The following ELF1 variants were observed in gnomAD, a reference collection of about 807,000 sequenced individuals.
The protein encoded by ELF1 is ETS-related transcription factor Elf-1.
A neutral mutation model predicts 59.9 loss-of-function variants in ELF1; 24 were observed. That is an observed-to-expected ratio of 0.40 (90% CI 0.29 to 0.56). The LOEUF (loss-of-function observed/expected upper bound fraction) is 0.56. ELF1 is among the 20% of genes least tolerant of loss of function. ELF1 has a pLI of 0.44. For missense variants in ELF1, 627 were observed against 742.2 expected (o/e 0.84, Z 1.80); for synonymous variants, 248 against 266.2 (o/e 0.93, Z 0.67).
chr13:41,002,614 C>G (rs1874525339), intron 1 of ELF1, among the ~76,000 whole-genome samples: 1 of 148,066 alleles, frequency 6.8e-6, no homozygotes, highest in African/African-American at 2.5e-5. Flanking sequence ...CAAGTCCCAT[C>G]TCAAAAAAAT....
Position 41,016,947 on chromosome 13 carries a change from A to T in ELF1, c.-229+2281T>A, listed in dbSNP as rs9532703. On this transcript the variant is annotated intron_variant, in intron 1 of 8. Transcript: ENST00000239882. The stretch of plus-strand genomic sequence containing the variant: ...AAAAAAAAAAAAAAAAAAAAAAAAA[A>T]ATATATATATATATATATATATATA... Among the ~76,000 whole-genome samples, 30 of 24,714 alleles carry T rather than the reference A, an allele frequency of 1.2e-3. No individual in the cohort carries two copies. In the East Asian group the frequency reaches 0.017, roughly 14 times the overall value. 16.2% of individuals were successfully genotyped at this position (24,714 alleles called of 152,430 possible). A position where few individuals can be genotyped will look rare whatever the true frequency, so the allele number is the denominator to read the frequency against.
At chr13:41,030,202 T>A in intron 1 of ELF1, among the ~76,000 whole-genome samples, 1 of 151,980 alleles carries the variant, frequency 6.6e-6, no homozygotes. Context: ...AAAGGAATAC[T>A]CAGAAATGTA....
At chr13:41,037,900 A>G (rs1876450736) in intron 1 of ELF1, among the ~76,000 whole-genome samples, 1 of 152,210 alleles carries the variant, frequency 6.6e-6, no homozygotes, top group African/African-American at 2.4e-5. Flanking sequence ...TGTGCTACAC[A>G]GACTAAGAAT....
At chr13:41,025,503 CATTTA>C (rs1875857324) in intron 1 of ELF1, among the ~76,000 whole-genome samples, 2 of 152,228 alleles carry the variant, frequency 1.3e-5, no homozygotes, top group Admixed American at 1.3e-4. Flanking sequence ...ACACTCCATA[CATTTA>C]AGTCTTCACT....
chr13:41,003,446 G>T (rs1219924044), intron 1 of ELF1, among the ~76,000 whole-genome samples: 3 of 138,368 alleles, frequency 2.2e-5, no homozygotes, highest in African/African-American at 8.4e-5. Context: ...TGTTTAAAAA[G>T]ACATAGTAAC....
intron 2 of ELF1, among the ~76,000 whole-genome samples, chr13:40,959,695 G>C (rs1871691448): frequency 6.6e-6 from 1 of 151,986 alleles, no homozygotes; most frequent in Admixed American, 6.6e-5. Flanking sequence ...TGACTTAAGT[G>C]GGAAAATTAA....
rs1158603653 is a variant in ELF1 at position 40,949,816 on chromosome 13, C to T, written c.519G>A (p.Lys173=). 2 of 1,612,616 alleles carry T rather than the reference C, an allele frequency of 1.2e-6. No individual in the cohort carries two copies. Among genetic ancestry groups the T allele is most frequent in the South Asian group, 1.1e-5 (1 of 90,720 alleles). Residue 173 remains lysine (K), a synonymous_variant, in exon 5 of 9, where the codon AAG becomes AAA. Coordinates refer to ENST00000239882, the MANE Select transcript of ELF1 (RefSeq NM_172373.4). ...AAGTAACCCACCTACCTTTTTTCCT[C>T]TTAGGCTGTTCTGGTGATGAGGCTC... ...SPGASSPEQP[K]RKKGRKTKPP...
chr13:41,038,209 G>T (rs1003679625), intron 1 of ELF1, among the ~76,000 whole-genome samples: 1 of 152,150 alleles, frequency 6.6e-6, no homozygotes, highest in Non-Finnish European at 1.5e-5. Flanking sequence ...ATGGAATCAG[G>T]CCAGGTGAGG....
intron 2 of ELF1, among the ~76,000 whole-genome samples, chr13:40,978,108 G>A (rs1173593595): frequency 4.6e-5 from 7 of 152,080 alleles, no homozygotes; most frequent in Non-Finnish European, 7.4e-5. Flanking sequence ...GGCCGGGGGC[G>A]GTGGCTCATG....
At chr13:40,943,228 G>A in intron 6 of ELF1, 84 bp from the exon 7 acceptor site, 1 of 1,180,690 alleles carries the variant, frequency 8.5e-7, no homozygotes, top group Non-Finnish European at 1.1e-6. Context: ...TCTTAGAAGT[G>A]CCATTTATAT....
intron 1 of ELF1, among the ~76,000 whole-genome samples, chr13:41,018,676 C>T (rs1329655806): frequency 1.3e-5 from 2 of 151,794 alleles, no homozygotes; most frequent in East Asian, 3.8e-4. Flanking sequence ...CAAAATGAAA[C>T]ATTTAATATA....
intron 1 of ELF1, among the ~76,000 whole-genome samples, chr13:41,042,730 C>T (rs1261538361): frequency 1.3e-5 from 2 of 152,130 alleles, no homozygotes; most frequent in Admixed American, 1.3e-4. Flanking sequence ...TGGCTTGGTT[C>T]CAAGTCTTTG....
chr13:41,018,779 AC>A (rs1171025475), intron 1 of ELF1, among the ~76,000 whole-genome samples: 1 of 152,158 alleles, frequency 6.6e-6, no homozygotes, highest in Non-Finnish European at 1.5e-5. Flanking sequence ...CCAAAACTTC[AC>A]CCTTAGCTAA....
At chr13:41,039,472 T>C (rs1487359460) in intron 1 of ELF1, among the ~76,000 whole-genome samples, 1 of 151,712 alleles carries the variant, frequency 6.6e-6, no homozygotes, top group African/African-American at 2.4e-5. Flanking sequence ...TCTTAGGCAA[T>C]ATATTGTGGA....
chr13:41,021,021 A>T (rs1364889529), upstream of ELF1, among the ~76,000 whole-genome samples: 2 of 152,214 alleles, frequency 1.3e-5, no homozygotes, highest in African/African-American at 4.8e-5. Context: ...AAGTATTCAG[A>T]TATGAAGCCA....
At chr13:40,946,212 A>G (rs996655090) in intron 5 of ELF1, among the ~76,000 whole-genome samples, 3 of 152,072 alleles carry the variant, frequency 2.0e-5, no homozygotes, top group African/African-American at 4.8e-5. Context: ...ATTAAGTAGG[A>G]TATTAGCCTT....
intron 3 of ELF1, among the ~76,000 whole-genome samples, chr13:40,956,711 A>G (rs1871470896): frequency 6.9e-6 from 1 of 145,840 alleles, no homozygotes; most frequent in Non-Finnish European, 1.5e-5. Context: ...TTTGTTTTTG[A>G]GCTGGAGTTT....
intron 5 of ELF1, among the ~76,000 whole-genome samples, chr13:40,946,381 T>C (rs142402143): frequency 2.6e-5 from 4 of 152,280 alleles, no homozygotes; most frequent in South Asian, 2.1e-4. Context: ...TTGTGCCCCT[T>C]TGTAATCCTT....
At chr13:41,060,881 C>G in exon 1 of ELF1, 1 of 344,390 alleles carries the variant, frequency 2.9e-6, no homozygotes. Context: ...GCACCTCTCG[C>G]CACCGCCGCC....
Sources: allele counts gnomAD v4.1 joint callset (sites outside exome capture counted in the v4.1 genomes callset), GRCh38; gene constraint gnomAD v4.1.1; transcripts MANE v1.5; gene names NCBI Gene and HGNC (gene_info 2026-07-23, HGNC 2026-07-21).